Variants in KYAT1 observed in about 807,000 individuals in gnomAD.
The protein encoded by KYAT1 is kynurenine aminotransferase 1, also known as kynurenine--oxoglutarate transaminase 1.
In KYAT1, 47 loss-of-function variants were observed where a neutral mutation model predicts 52.4. That is an observed-to-expected ratio of 0.90 (90% confidence interval 0.71 to 1.14). The LOEUF is 1.14. Ranked by LOEUF, KYAT1 falls within the 50% of genes most tolerant of loss-of-function variation. The pLI is 0.00. For synonymous variants in KYAT1, 212 were observed against 209.6 expected (o/e 1.01, Z -0.10); for missense variants, 480 against 557.9 (o/e 0.86, Z 1.41).
rs1295475348 is a variant in KYAT1, at chr9:128,838,295, T to C, written c.274A>G (p.Arg92Gly). 6.2e-7 allele frequency: 1 copy of C among 1,614,200 alleles called. No individual in the cohort carries two copies. Among genetic ancestry groups the C allele is most frequent in the East Asian group, 2.2e-5 (1 of 44,876 alleles). ...ELLGQEIDPL[R>G]NVLVTVGGYG... The stretch of plus-strand genomic sequence containing the variant: ...CCACCAACAGTCACCAGCACATTCC[T>C]GAGCGGGTCTATCTCCTGACCCAGC... The change falls in exon 4 of 13, where the codon AGG (arginine) becomes GGG (glycine). Residue 92 changes from arginine to glycine, a missense_variant. By Grantham distance (125) the Arg-to-Gly change is moderately radical. Transcript: ENST00000302586.
intron 1 of KYAT1, among the ~76,000 whole-genome samples, chr9:128,867,021 T>A (rs1363163003): frequency 6.6e-6 from 1 of 152,124 alleles, no homozygotes; most frequent in Non-Finnish European, 1.5e-5. Flanking sequence ...AAGACAAACT[T>A]GAGACCCACC....
At chr9:128,836,190 ACTAAG>A in intron 7 of KYAT1, 117 bp from the exon 8 acceptor site, 1 of 743,864 alleles carries the variant, frequency 1.3e-6, no homozygotes, top group East Asian at 2.7e-5. Flanking sequence ...TCCTCTACAT[ACTAAG>A]TTATTTGCAC....
intron 1 of KYAT1, among the ~76,000 whole-genome samples, chr9:128,863,123 G>A (rs1215639951): frequency 2.0e-5 from 3 of 151,702 alleles, no homozygotes; most frequent in African/African-American, 4.8e-5. Context: ...CACCATGCCC[G>A]GCCAGAAGTG....
chr9:128,845,508 G>A (rs2119165021), intron 1 of KYAT1, 97 bp from the exon 2 acceptor site: 11 of 1,158,892 alleles, frequency 9.5e-6, no homozygotes, highest in Admixed American at 3.7e-5. Context: ...AGGCCACAGC[G>A]CCATCCTGTC....
intron 1 of KYAT1, among the ~76,000 whole-genome samples, chr9:128,877,949 G>C (rs1838271958): frequency 1.3e-5 from 2 of 152,110 alleles, no homozygotes; most frequent in Non-Finnish European, 2.9e-5. Flanking sequence ...AACCACAGAA[G>C]ACCAAACCTT....
chr9:128,835,761 C>A lies in KYAT1; in HGVS notation c.855+18G>T, dbSNP rs774696475. On this transcript the variant is annotated intron_variant, in intron 9 of 12. Coordinates refer to ENST00000302586, the MANE Select transcript of KYAT1 (RefSeq NM_004059.5). The stretch of plus-strand genomic sequence containing the variant: ...TTGTTGTCCCCCCACTCCCCCGTGA[C>A]GTCCTGCCCCTCTTCACCTGGCTCT... The A allele has an allele frequency of 1.2e-6, 2 of 1,609,230 alleles. No homozygotes were observed. The highest frequency in any genetic ancestry group is 1.7e-6 in the Non-Finnish European group (2 of 1,177,648).
intron 2 of KYAT1, among the ~76,000 whole-genome samples, chr9:128,844,819 G>C (rs373669020): frequency 3.9e-5 from 6 of 152,032 alleles, no homozygotes; most frequent in South Asian, 2.1e-4. Context: ...AGCCGAGACC[G>C]CACCATTGCA....
chr9:128,858,559 G>A (rs974052924), intron 1 of KYAT1, among the ~76,000 whole-genome samples: 4 of 151,682 alleles, frequency 2.6e-5, no homozygotes, highest in South Asian at 2.1e-4. Flanking sequence ...TTAGCCAGGC[G>A]TGATGGCATG....
At chr9:128,840,650 T>C (rs1193709960) in intron 3 of KYAT1, 1 of 446,538 alleles carries the variant, frequency 2.2e-6, no homozygotes. Context: ...AGAAGGAACT[T>C]TCCAACCAGC....
intron 1 of KYAT1, among the ~76,000 whole-genome samples, chr9:128,853,144 T>C (rs1195823012): frequency 3.3e-5 from 5 of 152,226 alleles, no homozygotes; most frequent in Non-Finnish European, 7.3e-5. Context: ...AAAATCATTG[T>C]TCCTTTAAAC....
At chr9:128,882,198 G>C (rs1230446474), upstream of KYAT1, 1 of 153,104 alleles carries the variant, frequency 6.5e-6, no homozygotes, top group Non-Finnish European at 1.5e-5. Flanking sequence ...CGGCGGGACG[G>C]AGCGGCCGGG....
At chr9:128,846,671 C>CTAACCCACCTTGGCTGG in intron 1 of KYAT1, 2 of 1,496,022 alleles carry the variant, frequency 1.3e-6, no homozygotes, top group South Asian at 2.4e-5. Context: ...AACTCAGGTC[C>CTAACCCACCTTGGCTGG]TAACCCACCT....
Position 128,864,090 on chromosome 9 carries a change from C to A in KYAT1, c.-7+17807G>T, listed in dbSNP as rs571908206. The stretch of plus-strand genomic sequence containing the variant: ...TTAAAAATGTTTTTCAGGCCGGGCG[C>A]GGTGGCTCACACCTGTAATCCCAGC... On this transcript the variant is annotated intron_variant, in intron 1 of 12. Coordinates refer to ENST00000302586, the MANE Select transcript of KYAT1 (RefSeq NM_004059.5). Among the ~76,000 whole-genome samples, 5 of 151,918 alleles carry A rather than the reference C, an allele frequency of 3.3e-5. No homozygotes were observed. The South Asian group carries it at 1.0e-3, about 32-fold the overall frequency.
intron 1 of KYAT1, among the ~76,000 whole-genome samples, chr9:128,855,477 C>T (rs117542957): frequency 3.3e-5 from 5 of 152,250 alleles, no homozygotes; most frequent in Admixed American, 1.3e-4. Flanking sequence ...GTTATCGGAA[C>T]AAGAAATCAT....
chr9:128,866,843 T>A (rs868375068), intron 1 of KYAT1, among the ~76,000 whole-genome samples: 45 of 150,854 alleles, frequency 3.0e-4, no homozygotes, highest in Admixed American at 1.7e-3. Flanking sequence ...GAGGCGGAGG[T>A]TGTGGTGAAC....
intron 1 of KYAT1, among the ~76,000 whole-genome samples, chr9:128,871,722 C>T (rs1837251448): frequency 6.6e-6 from 1 of 151,958 alleles, no homozygotes; most frequent in South Asian, 2.1e-4. Flanking sequence ...AAAAAATAAA[C>T]AAAATCAATT....
intron 1 of KYAT1, among the ~76,000 whole-genome samples, chr9:128,857,723 C>G (rs1007101575): frequency 6.6e-6 from 1 of 152,174 alleles, no homozygotes; most frequent in Admixed American, 6.5e-5. Flanking sequence ...GCAGTCCCAG[C>G]TGCTCTGGAG....
rs771218625 is a variant in KYAT1, at chr9:128,857,830, C to T, written c.-6-12419G>A. On this transcript the variant is annotated intron_variant, in intron 1 of 12. Coordinates refer to ENST00000302586, the MANE Select transcript of KYAT1 (RefSeq NM_004059.5). Reference sequence around the variant, plus strand: ...CAGCCTGGGCGACACAGCGAGACTCCGTCTCAAAACAAACAAACAAACAAA... The same window carrying T: ...CAGCCTGGGCGACACAGCGAGACTCTGTCTCAAAACAAACAAACAAACAAA... 7.9e-5 allele frequency among the ~76,000 whole-genome samples: 12 copies of T among 151,842 alleles called. 1 individual carries two copies. The highest frequency in any genetic ancestry group is 1.2e-4 in the African/African-American group (5 of 41,292).
At chr9:128,833,954 T>A (rs1231799324) in intron 11 of KYAT1, 128 bp from the exon 12 acceptor site, 1 of 684,808 alleles carries the variant, frequency 1.5e-6, no homozygotes, top group Non-Finnish European at 2.5e-6. Context: ...CACCTAGAGC[T>A]GCATCAAAGT....
Sources: allele counts gnomAD v4.1 joint callset (sites outside exome capture counted in the v4.1 genomes callset), GRCh38; gene constraint gnomAD v4.1.1; transcripts MANE v1.5; gene names NCBI Gene and HGNC (gene_info 2026-07-23, HGNC 2026-07-21).